ADCY9: variants seen among roughly 807,000 people sequenced by gnomAD.
ADCY9 encodes the protein adenylate cyclase 9, also known as adenylate cyclase type 9.
A neutral mutation model predicts 101.5 loss-of-function variants in ADCY9; 50 were observed. The ratio of observed to expected loss-of-function variants is 0.49; its 90% CI spans 0.39 to 0.62. The LOEUF (loss-of-function observed/expected upper bound fraction) is 0.62. Ranked by LOEUF, ADCY9 falls within the 20% of genes least tolerant of loss-of-function variation. ADCY9 has a pLI of 0.00. For missense variants in ADCY9, 1,662 were observed against 1,800.4 expected, an observed-to-expected ratio of 0.92 and a Z score of 1.39; for synonymous variants, 905 against 769.3, an observed-to-expected ratio of 1.18 and a Z score of -2.92.
intron 2 of ADCY9, among the ~76,000 whole-genome samples, chr16:4,057,546 C>T (rs531350406): frequency 7.9e-5 from 12 of 152,280 alleles, no homozygotes; most frequent in African/African-American, 1.9e-4. Flanking sequence ...TCTCTTTTCA[C>T]GCACTATCTC....
At chr16:4,023,502 G>A (rs1372917246) in intron 2 of ADCY9, among the ~76,000 whole-genome samples, 4 of 152,150 alleles carry the variant, frequency 2.6e-5, no homozygotes, top group Non-Finnish European at 4.4e-5. Context: ...TGGAAAGGAC[G>A]GTCCCAGCAT....
chr16:4,094,941 C>A (rs568696866), intron 2 of ADCY9, among the ~76,000 whole-genome samples: 8 of 151,826 alleles, frequency 5.3e-5, no homozygotes, highest in African/African-American at 1.9e-4. Flanking sequence ...AAAATAAAAT[C>A]ATTCAAAACT....
intron 2 of ADCY9, among the ~76,000 whole-genome samples, chr16:4,012,669 G>T (rs2056411949): frequency 6.6e-6 from 1 of 152,166 alleles, no homozygotes; most frequent in South Asian, 2.1e-4. Context: ...TCTGACGGGG[G>T]AATTTGTCTA....
chr16:3,989,927 G>T (rs761073943), intron 5 of ADCY9, among the ~76,000 whole-genome samples: 1 of 152,176 alleles, frequency 6.6e-6, no homozygotes, highest in Non-Finnish European at 1.5e-5. Flanking sequence ...CGTAATTTTG[G>T]TGCTATTGTC....
chr16:4,104,535 C>A (rs446395), intron 2 of ADCY9, among the ~76,000 whole-genome samples: 38,915 of 151,896 alleles, frequency 0.26, 5,385 homozygotes, highest in Non-Finnish European at 0.31. Flanking sequence ...TCACTTGAGC[C>A]CAGGAGGTCA....
At position 4,115,321 on chromosome 16, in the gene ADCY9, C is replaced by G; in HGVS notation, c.122G>C (p.Ser41Thr). The change falls in exon 2 of 11, where the codon AGC becomes ACC. Residue 41 changes from serine to threonine, a missense_variant. By Grantham distance (58) the Ser-to-Thr change is moderately conservative. Around this residue, in one of 5 missense-constraint regions of ADCY9, gnomAD observed 422 missense variants for 392.0 expected, o/e 1.08. Transcript: ENST00000294016. This position sits in a 1 kb window ranked among gnomAD's most constrained non-coding sequence, Gnocchi z 6.2. Reference sequence around the variant, plus strand: ...GCTGTATTTGCAGTGCTTGGGGTGGCTGTTGGAGGACAGCTGCTTGGGGTT... The same window carrying G: ...GCTGTATTTGCAGTGCTTGGGGTGGGTGTTGGAGGACAGCTGCTTGGGGTT... ...KINPKQLSSNSHPKHCKYSIS... is the reference protein window; with the variant it reads ...KINPKQLSSNTHPKHCKYSIS... 1.9e-6 allele frequency: 3 copies of G among 1,613,716 alleles called. No individual in the cohort carries two copies. Among genetic ancestry groups the G allele is most frequent in the Non-Finnish European group, 2.5e-6 (3 of 1,179,858 alleles).
intron 2 of ADCY9, among the ~76,000 whole-genome samples, chr16:4,016,514 TAG>T (rs1289602961): frequency 1.3e-5 from 2 of 152,154 alleles, no homozygotes; most frequent in African/African-American, 4.8e-5. Flanking sequence ...TTCTTGTCCC[TAG>T]AGAGCTAACA....
intron 2 of ADCY9, among the ~76,000 whole-genome samples, chr16:4,039,735 T>C (rs1195574705): frequency 6.9e-6 from 1 of 144,258 alleles, no homozygotes; most frequent in African/African-American, 2.6e-5. Context: ...AAAATTTTAC[T>C]TTTGCTGAAA....
chr16:4,090,052 C>T (rs1210314293), intron 2 of ADCY9, among the ~76,000 whole-genome samples: 1 of 152,138 alleles, frequency 6.6e-6, no homozygotes, highest in Non-Finnish European at 1.5e-5. Context: ...CCACTGTGAC[C>T]CAGCTGCCCT....
chr16:4,017,219 ACAT>A (rs1285944710), intron 2 of ADCY9, among the ~76,000 whole-genome samples: 1 of 150,250 alleles, frequency 6.7e-6, no homozygotes, highest in Non-Finnish European at 1.5e-5. Flanking sequence ...AGTAATGTGA[ACAT>A]CAACAAGGTG....
intron 2 of ADCY9, among the ~76,000 whole-genome samples, chr16:4,041,775 A>G (rs76642551): frequency 6.7e-6 from 1 of 148,972 alleles, no homozygotes; most frequent in Non-Finnish European, 1.5e-5. Context: ...TTTTTGAGAC[A>G]AGGTTTCACC....
chr16:4,053,346 G>C (rs1023674264), intron 2 of ADCY9, among the ~76,000 whole-genome samples: 3 of 152,228 alleles, frequency 2.0e-5, no homozygotes, highest in Non-Finnish European at 2.9e-5. Flanking sequence ...CCTGGAGACA[G>C]TTAAGTTACC....
At chr16:4,001,876 G>C (rs1021248079) in intron 3 of ADCY9, among the ~76,000 whole-genome samples, 2 of 151,770 alleles carry the variant, frequency 1.3e-5, no homozygotes, top group African/African-American at 2.4e-5. Context: ...AGTCTCCCAA[G>C]TAGCTGGGAC....
intron 2 of ADCY9, among the ~76,000 whole-genome samples, chr16:4,053,491 C>T (rs1283285044): frequency 6.6e-6 from 1 of 152,198 alleles, no homozygotes; most frequent in Non-Finnish European, 1.5e-5. Flanking sequence ...GAGCGCTTCA[C>T]GTGCGAGCCC....
At chr16:4,088,451 C>G (rs927451059) in intron 2 of ADCY9, among the ~76,000 whole-genome samples, 1 of 151,970 alleles carries the variant, frequency 6.6e-6, no homozygotes, top group African/African-American at 2.4e-5. Flanking sequence ...GCCACCATTC[C>G]CATCTAGTTT....
chr16:4,095,200 G>C (rs2387052), intron 2 of ADCY9, among the ~76,000 whole-genome samples: 135,170 of 151,694 alleles, frequency 0.89, 60,367 homozygotes, highest in East Asian at 0.99. Flanking sequence ...CAGGGTTTCG[G>C]ACGTTGGCCA....
At chr16:4,110,591 T>C (rs922401664) in intron 2 of ADCY9, among the ~76,000 whole-genome samples, 6 of 152,064 alleles carry the variant, frequency 3.9e-5, no homozygotes, top group Non-Finnish European at 8.8e-5. Context: ...GGTTTCACTA[T>C]ATTGGCCACA....
At chr16:4,059,587 G>A (rs1178063377) in intron 2 of ADCY9, among the ~76,000 whole-genome samples, 1 of 151,904 alleles carries the variant, frequency 6.6e-6, no homozygotes, top group Non-Finnish European at 1.5e-5. Flanking sequence ...ACAAAAAATT[G>A]AAAAATGTTT....
intron 2 of ADCY9, among the ~76,000 whole-genome samples, chr16:4,084,824 T>C (rs1188693218): frequency 6.6e-6 from 1 of 152,150 alleles, no homozygotes; most frequent in Non-Finnish European, 1.5e-5. Context: ...GCCTGCTAGT[T>C]ATCAGAAACC....
Sources: gnomAD v4.1 joint callset for allele counts (sites outside exome capture counted in the v4.1 genomes callset) on GRCh38, gnomAD v4.1.1 for gene constraint, gnomAD v4.1.1 regional missense constraint, Gnocchi (gnomAD v3.1) non-coding constraint, MANE v1.5 for transcripts, NCBI Gene and HGNC (gene_info 2026-07-23, HGNC 2026-07-21) for gene names.